AMD1: variants seen among roughly 807,000 people sequenced by gnomAD.
The protein encoded by AMD1 is adenosylmethionine decarboxylase 1.
In AMD1, 11 loss-of-function variants were observed where a neutral mutation model predicts 40.2. The observed-to-expected ratio is 0.27, with a 90% CI of 0.17 to 0.45. The LOEUF is 0.45. AMD1 is among the 20% of genes least tolerant of loss of function. AMD1 has a pLI of 1.00. For synonymous variants in AMD1, 121 were observed against 130.8 expected (o/e 0.93, Z 0.51); for missense variants, 257 against 410.2 (o/e 0.63, Z 3.23).
At chr6:110,818,215 A>T in the AMD1 span, among the ~76,000 whole-genome samples, 1 of 152,188 alleles carries the variant, frequency 6.6e-6, no homozygotes, top group Non-Finnish European at 1.5e-5. Flanking sequence ...TAGAATTGCA[A>T]CCCAGGAGTA....
At chr6:110,846,493 T>C in the AMD1 span, among the ~76,000 whole-genome samples, 2 of 152,188 alleles carry the variant, frequency 1.3e-5, no homozygotes, top group Non-Finnish European at 2.9e-5. Context: ...TAAATGCCAT[T>C]GTATAAATTA....
At chr6:110,820,073 C>A in the AMD1 span, among the ~76,000 whole-genome samples, 1 of 152,118 alleles carries the variant, frequency 6.6e-6, no homozygotes, top group African/African-American at 2.4e-5. Flanking sequence ...TGTGAATAAT[C>A]CACCCCTTGT....
intron 3 of AMD1, 55 bp downstream of exon 3, chr6:110,889,038 C>A: frequency 6.3e-7 from 1 of 1,582,766 alleles, no homozygotes; most frequent in South Asian, 1.1e-5. Context: ...CGTTCTTATC[C>A]TGTAATATGC....
chr6:110,873,151 GGT>G (rs374627157), upstream of AMD1, among the ~76,000 whole-genome samples: 21 of 152,278 alleles, frequency 1.4e-4, no homozygotes, highest in African/African-American at 4.3e-4. Context: ...GATCACCTGA[GGT>G]CAGGAGTTCA....
the AMD1 span, among the ~76,000 whole-genome samples, chr6:110,868,943 C>T: frequency 6.6e-6 from 1 of 151,622 alleles, no homozygotes; most frequent in African/African-American, 2.4e-5. Flanking sequence ...GCCTGCAATC[C>T]CAGCTACTCG....
upstream of AMD1, among the ~76,000 whole-genome samples, chr6:110,873,250 G>A (rs1298028709): frequency 2.0e-5 from 3 of 152,128 alleles, no homozygotes; most frequent in Non-Finnish European, 4.4e-5. Flanking sequence ...TGTAATCCCA[G>A]CTACTCGGGA....
the AMD1 span, among the ~76,000 whole-genome samples, chr6:110,839,955 A>G: frequency 1.3e-5 from 2 of 151,620 alleles, no homozygotes; most frequent in Non-Finnish European, 2.9e-5. Context: ...GGGATTAATT[A>G]ATATCACCCC....
At chr6:110,878,134 C>A (rs1327486468) in intron 1 of AMD1, among the ~76,000 whole-genome samples, 2 of 152,284 alleles carry the variant, frequency 1.3e-5, no homozygotes, top group African/African-American at 2.4e-5. Context: ...CTGTATAATT[C>A]AAGGGAGAAA....
chr6:110,860,015 T>TG, the AMD1 span, among the ~76,000 whole-genome samples: 3 of 152,096 alleles, frequency 2.0e-5, no homozygotes, highest in Non-Finnish European at 4.4e-5. Context: ...TTATTAGAGA[T>TG]GGGGTTTCAC....
intron 2 of AMD1, 77 bp from the exon 3 acceptor site, chr6:110,888,780 T>G (rs1785848923): frequency 7.0e-7 from 1 of 1,431,916 alleles, no homozygotes. Flanking sequence ...AAATTGTAAA[T>G]GATAATTAAA....
At chr6:110,833,797 T>A in the AMD1 span, among the ~76,000 whole-genome samples, 5 of 152,156 alleles carry the variant, frequency 3.3e-5, no homozygotes, top group Admixed American at 1.3e-4. Context: ...GAGGATTGTT[T>A]GAGCTCAGGA....
the AMD1 span, among the ~76,000 whole-genome samples, chr6:110,863,094 A>G: frequency 6.6e-6 from 1 of 151,614 alleles, no homozygotes; most frequent in Admixed American, 6.6e-5. Context: ...ACAGGCACCC[A>G]CCACCACGCC....
At chr6:110,818,428 T>C in the AMD1 span, among the ~76,000 whole-genome samples, 1 of 152,186 alleles carries the variant, frequency 6.6e-6, no homozygotes, top group African/African-American at 2.4e-5. Context: ...TGCAGCATTA[T>C]TGGATTAATT....
upstream of AMD1, among the ~76,000 whole-genome samples, chr6:110,869,789 G>A (rs1158117912): frequency 6.6e-6 from 1 of 152,150 alleles, no homozygotes; most frequent in Non-Finnish European, 1.5e-5. Flanking sequence ...GATTACAGGC[G>A]TGAGCCACCA....
chr6:110,852,946 C>CT, the AMD1 span, among the ~76,000 whole-genome samples: 23 of 145,764 alleles, frequency 1.6e-4, 1 homozygote, highest in South Asian at 4.6e-3. Context: ...CAGTCTTTCC[C>CT]TTTTTTTTGA....
At chr6:110,852,200 A>ATT in the AMD1 span, among the ~76,000 whole-genome samples, 225 of 51,302 alleles carry the variant, frequency 4.4e-3, 54 homozygotes, top group Non-Finnish European at 6.0e-3. Context: ...CGCCTGGCTA[A>ATT]TTTTTTTTTT....
the AMD1 span, among the ~76,000 whole-genome samples, chr6:110,845,195 C>T: frequency 2.0e-5 from 3 of 151,998 alleles, no homozygotes; most frequent in African/African-American, 2.4e-5. Context: ...TGAGCCACCA[C>T]GCCCGGCTAA....
At chr6:110,875,822 G>C (rs1785074713) in intron 1 of AMD1, among the ~76,000 whole-genome samples, 2 of 152,150 alleles carry the variant, frequency 1.3e-5, no homozygotes, top group Non-Finnish European at 1.5e-5. Flanking sequence ...GATTGGGCGG[G>C]AGCAGTTATG....
the AMD1 span, among the ~76,000 whole-genome samples, chr6:110,831,386 C>A: frequency 6.6e-6 from 1 of 150,518 alleles, no homozygotes; most frequent in African/African-American, 2.5e-5. Flanking sequence ...TTGCAGTGAG[C>A]GGAGACCGTG....
Sources: gnomAD v4.1 joint callset for allele counts (sites outside exome capture counted in the v4.1 genomes callset) on GRCh38, gnomAD v4.1.1 for gene constraint, MANE v1.5 for transcripts, NCBI Gene and HGNC (gene_info 2026-07-23, HGNC 2026-07-21) for gene names.